The following CRB1 variants were observed in gnomAD, a reference collection of about 807,000 sequenced individuals.
CRB1 encodes protein crumbs homolog 1.
Under a neutral mutation model 120.0 loss-of-function variants are expected in CRB1, and 83 were observed. The observed-to-expected ratio is 0.69, with a 90% CI of 0.58 to 0.83. The LOEUF is 0.83. CRB1 is among the 40% of genes least tolerant of loss of function. CRB1 has a pLI of 0.00. For synonymous variants in CRB1, 625 were observed against 612.5 expected, an observed-to-expected ratio of 1.02 and a Z score of -0.30; for missense variants, 1,699 against 1,687.6, an observed-to-expected ratio of 1.01 and a Z score of -0.12.
chr1:197,438,505 G>T, intron 9 of CRB1, 42 bp from the exon 10 acceptor site: 1 of 1,608,604 alleles, frequency 6.2e-7, no homozygotes, highest in South Asian at 1.1e-5. Context: ...TGAATGAGAT[G>T]AACAAGATGA....
chr1:197,286,747 T>C (rs894084388), intron 1 of CRB1, among the ~76,000 whole-genome samples: 6 of 152,040 alleles, frequency 3.9e-5, no homozygotes, highest in African/African-American at 1.4e-4. Flanking sequence ...AGCTCTGTGA[T>C]TTAATGAAGA....
intron 5 of CRB1, among the ~76,000 whole-genome samples, chr1:197,379,953 T>C (rs909688363): frequency 6.6e-6 from 1 of 152,252 alleles, no homozygotes. Flanking sequence ...TAAGGATTCA[T>C]CTTTGTGCAC....
chr1:197,321,761 A>G lies in CRB1; in HGVS notation c.71-6661A>G, dbSNP rs778045863. ...AGTGTTCAATTGTATCTTAACAATA[A>G]TAAATTCTGTGGCTGCTCAGGCCAG... On this transcript the variant is annotated intron_variant, in intron 1 of 11. Coordinates refer to ENST00000367400, the MANE Select transcript of CRB1 (RefSeq NM_201253.3). Among the ~76,000 whole-genome samples the G allele has an allele frequency of 3.3e-4, 51 of 152,244 alleles. 1 individual carries two copies. The highest frequency in any genetic ancestry group is 2.0e-3 in the Admixed American group (31 of 15,282).
At chr1:197,440,405 A>T (rs1399162667) in intron 10 of CRB1, 2 of 152,244 alleles carry the variant, frequency 1.3e-5, no homozygotes, top group East Asian at 3.8e-4. Flanking sequence ...TTTTCCCAGG[A>T]GACTTTTCAA....
At chr1:197,353,843 T>C (rs1457038306) in intron 4 of CRB1, among the ~76,000 whole-genome samples, 1 of 141,080 alleles carries the variant, frequency 7.1e-6, no homozygotes, top group Non-Finnish European at 1.5e-5. Context: ...AAAAACTTTA[T>C]ACATTTCTTT....
intron 9 of CRB1, 98 bp downstream of exon 9, chr1:197,435,710 A>G (rs745739157): frequency 1.8e-5 from 20 of 1,091,916 alleles, no homozygotes; most frequent in Non-Finnish European, 2.4e-5. Context: ...GTATACATAT[A>G]TACTGTGCTG....
intron 1 of CRB1, among the ~76,000 whole-genome samples, chr1:197,313,915 T>C (rs1158122890): frequency 6.6e-6 from 1 of 152,210 alleles, no homozygotes; most frequent in African/African-American, 2.4e-5. Flanking sequence ...GTCTTTAATC[T>C]ATTTTGAGTT....
intron 11 of CRB1, among the ~76,000 whole-genome samples, chr1:197,461,959 T>C (rs532130781): frequency 2.6e-5 from 4 of 152,296 alleles, no homozygotes; most frequent in South Asian, 2.1e-4. Flanking sequence ...TAGAAATGTA[T>C]GAGTCTTGAA....
At chr1:197,338,556 T>C (rs1246770707) in intron 2 of CRB1, among the ~76,000 whole-genome samples, 2 of 152,142 alleles carry the variant, frequency 1.3e-5, no homozygotes, top group East Asian at 3.9e-4. Flanking sequence ...GGAAGATGGT[T>C]TTGAAACTGT....
chr1:197,464,890 A>G (rs954824526), intron 11 of CRB1, among the ~76,000 whole-genome samples: 3 of 152,250 alleles, frequency 2.0e-5, no homozygotes, highest in Non-Finnish European at 2.9e-5. Context: ...TCATTTTATT[A>G]AAACAGTCTC....
At chr1:197,274,048 T>C (rs539752644) in intron 1 of CRB1, among the ~76,000 whole-genome samples, 13 of 152,156 alleles carry the variant, frequency 8.5e-5, no homozygotes, top group African/African-American at 2.9e-4. Context: ...TATCTCTATA[T>C]GTAAATCTGT....
At chr1:197,247,740 G>A in the CRB1 span, among the ~76,000 whole-genome samples, 3 of 152,002 alleles carry the variant, frequency 2.0e-5, no homozygotes, top group Admixed American at 2.0e-4. Context: ...GCTTCCAGGA[G>A]TTCCCCCAGA....
chr1:197,444,216 A>G (rs1301172012), intron 11 of CRB1: 1 of 152,240 alleles, frequency 6.6e-6, no homozygotes, highest in East Asian at 1.9e-4. Context: ...AAAAGCAAAG[A>G]AAGTGTATTC....
At chr1:197,380,058 C>T (rs559320967) in intron 5 of CRB1, among the ~76,000 whole-genome samples, 12 of 152,126 alleles carry the variant, frequency 7.9e-5, no homozygotes, top group East Asian at 3.9e-4. Context: ...TGATTTAATA[C>T]GTCGAAAAAG....
intron 5 of CRB1, among the ~76,000 whole-genome samples, chr1:197,419,953 C>T (rs1279898593): frequency 6.7e-6 from 1 of 150,174 alleles, no homozygotes; most frequent in African/African-American, 2.4e-5. Context: ...TGCCCTCCAG[C>T]CTGGGCGACA....
chr1:197,416,171 C>G (rs1200972406), intron 5 of CRB1, among the ~76,000 whole-genome samples: 3 of 152,108 alleles, frequency 2.0e-5, no homozygotes, highest in East Asian at 3.9e-4. Context: ...CTTACTTTTC[C>G]TTTATTAAAT....
the CRB1 span, among the ~76,000 whole-genome samples, chr1:197,213,530 A>G: frequency 6.6e-6 from 1 of 152,224 alleles, no homozygotes; most frequent in Non-Finnish European, 1.5e-5. Flanking sequence ...CATGTGACTC[A>G]GAAAGCCCTA....
chr1:197,380,334 C>T (rs1022523765), intron 5 of CRB1, among the ~76,000 whole-genome samples: 1 of 152,128 alleles, frequency 6.6e-6, no homozygotes, highest in Non-Finnish European at 1.5e-5. Flanking sequence ...TATATTTTGC[C>T]TGTCTCAAAT....
At chr1:197,382,435 T>C (rs1475403036) in intron 5 of CRB1, among the ~76,000 whole-genome samples, 1 of 152,188 alleles carries the variant, frequency 6.6e-6, no homozygotes, top group Non-Finnish European at 1.5e-5. Context: ...GAAAAACTCT[T>C]CTTTTGAATA....
Sources: allele counts gnomAD v4.1 joint callset (sites outside exome capture counted in the v4.1 genomes callset), GRCh38; gene constraint gnomAD v4.1.1; transcripts MANE v1.5; gene names NCBI Gene and HGNC (gene_info 2026-07-23, HGNC 2026-07-21).